The following RIPOR2 variants were observed in gnomAD, a reference collection of about 807,000 sequenced individuals.
The protein encoded by RIPOR2 is rho family-interacting cell polarization regulator 2.
In RIPOR2, 39 loss-of-function variants were observed where a neutral mutation model predicts 114.5. The ratio of observed to expected loss-of-function variants is 0.34; its 90% CI spans 0.26 to 0.44. The LOEUF is 0.44. Among genes scored for constraint, RIPOR2 ranks in the 20% least tolerant of loss-of-function variants. RIPOR2 has a pLI of 1.00. For missense variants in RIPOR2, 1,007 were observed against 1,255.1 expected (o/e 0.80, Z 2.99); for synonymous variants, 445 against 484.4 (o/e 0.92, Z 1.07).
intron 1 of RIPOR2, among the ~76,000 whole-genome samples, chr6:24,987,068 C>G (rs1345865557): frequency 6.6e-6 from 1 of 152,144 alleles, no homozygotes; most frequent in Non-Finnish European, 1.5e-5. Flanking sequence ...GTAGAATCAA[C>G]AGGTCAAAGT....
intron 1 of RIPOR2, among the ~76,000 whole-genome samples, chr6:24,947,650 C>G (rs1194700657): frequency 6.6e-6 from 1 of 151,774 alleles, no homozygotes. Context: ...TAATTAGCAG[C>G]CTTGATCTTC....
At chr6:24,957,189 C>A (rs1773077608) in intron 1 of RIPOR2, among the ~76,000 whole-genome samples, 1 of 148,544 alleles carries the variant, frequency 6.7e-6, no homozygotes, top group South Asian at 2.2e-4. Flanking sequence ...TTTTAAAAAT[C>A]TCTCTTGGGA....
At chr6:25,012,766 G>A (rs561505034) in intron 1 of RIPOR2, among the ~76,000 whole-genome samples, 3 of 152,146 alleles carry the variant, frequency 2.0e-5, no homozygotes, top group East Asian at 1.9e-4. Flanking sequence ...AATGGGGACC[G>A]GGTTTCCTTT....
intron 1 of RIPOR2, among the ~76,000 whole-genome samples, chr6:24,991,836 C>G (rs1774829878): frequency 6.6e-6 from 1 of 152,188 alleles, no homozygotes; most frequent in Admixed American, 6.5e-5. Context: ...GTGAGTTGGT[C>G]CAACCTGCTT....
At position 24,944,066 on chromosome 6, in the gene RIPOR2, T is replaced by C. The variant is rs577916316; in HGVS notation, c.77-68249A>G. Reference sequence around the variant, plus strand: ...AAAAAGCTTGGGAATGAGATGCCCATAGGAGACTTTGAAAAGCTCCCACAT... The same window carrying C: ...AAAAAGCTTGGGAATGAGATGCCCACAGGAGACTTTGAAAAGCTCCCACAT... On this transcript the variant is annotated intron_variant, in intron 1 of 13. Transcript: ENST00000510784. Among the ~76,000 whole-genome samples the C allele has an allele frequency of 2.2e-4, 34 of 152,256 alleles. No homozygotes were observed. In the South Asian group the frequency reaches 6.4e-3, roughly 29 times the overall value.
chr6:24,996,939 A>T (rs922244512), intron 1 of RIPOR2, among the ~76,000 whole-genome samples: 3 of 152,246 alleles, frequency 2.0e-5, no homozygotes, highest in African/African-American at 7.2e-5. Flanking sequence ...TTGGAAATTA[A>T]TGACATTTTA....
intron 12 of RIPOR2, among the ~76,000 whole-genome samples, chr6:24,846,459 C>A (rs1762298751): frequency 6.6e-6 from 1 of 151,986 alleles, no homozygotes. Flanking sequence ...GTGTGTACCA[C>A]CACAACAGGG....
At chr6:24,900,215 T>C (rs1369885435) in intron 1 of RIPOR2, among the ~76,000 whole-genome samples, 4 of 152,142 alleles carry the variant, frequency 2.6e-5, no homozygotes, top group African/African-American at 9.7e-5. Flanking sequence ...AGTCTGTGTA[T>C]TTACATCCAC....
At chr6:24,953,170 C>T (rs1772859649) in intron 1 of RIPOR2, among the ~76,000 whole-genome samples, 1 of 152,082 alleles carries the variant, frequency 6.6e-6, no homozygotes, top group African/African-American at 2.4e-5. Flanking sequence ...CCCGTCTCTA[C>T]TAAAAATACA....
At chr6:24,881,937 G>A (rs1389906117) in intron 1 of RIPOR2, among the ~76,000 whole-genome samples, 3 of 152,224 alleles carry the variant, frequency 2.0e-5, no homozygotes, top group Non-Finnish European at 4.4e-5. Context: ...ATAAAGGGTG[G>A]AATATGATTG....
intron 1 of RIPOR2, among the ~76,000 whole-genome samples, chr6:24,953,678 C>T (rs1362304792): frequency 6.6e-6 from 1 of 152,226 alleles, no homozygotes; most frequent in Non-Finnish European, 1.5e-5. Flanking sequence ...AGTACCTTCC[C>T]TATACCTGGA....
intron 1 of RIPOR2, among the ~76,000 whole-genome samples, chr6:24,945,434 G>A (rs1324330130): frequency 6.6e-6 from 1 of 152,134 alleles, no homozygotes; most frequent in Admixed American, 6.5e-5. Flanking sequence ...AGAGAGCACT[G>A]GTAGAAGTAA....
rs763761502 is a variant in RIPOR2 at position 24,861,031 on chromosome 6, C to A, written c.657G>T (p.Met219Ile). 3.7e-6 allele frequency: 6 copies of A among 1,608,536 alleles called. No homozygotes were observed. The African/African-American group carries it at 8.0e-5, about 21-fold the overall frequency. ...NRSFKEYTEN[M>I]CTIEVELENL... ...TCTCTAGCTCCACTTCAATGGTGCA[C>A]ATATTCTGCAAAGAGGACAGGAGAC... The change falls in exon 8 of 22, where the codon ATG becomes ATT. Residue 219 changes from methionine to isoleucine, a missense_variant. Met to Ile is a conservative substitution (Grantham distance 10). Coordinates refer to ENST00000643898, the MANE Select transcript of RIPOR2 (RefSeq NM_001286445.3).
rs919622171 is a variant in RIPOR2 at position 24,963,723 on chromosome 6, C to T, written c.76+78128G>A. ...TATTTCAGTTTTTAAAAAAGGTGTA[C>T]GTATGTTTGTGCATGCATGTGAATG... On this transcript the variant is annotated intron_variant, in intron 1 of 13. Coordinates refer to the RIPOR2 transcript ENST00000510784. 8.3e-5 allele frequency among the ~76,000 whole-genome samples: 12 copies of T among 143,966 alleles called. No individual in the cohort carries two copies. In the East Asian group the frequency reaches 1.9e-3, roughly 23 times the overall value. The allele number at this position is 143,966 out of a possible 152,430, so 94.4% of individuals were successfully genotyped here.
chr6:25,014,765 G>A (rs939171347), intron 1 of RIPOR2, among the ~76,000 whole-genome samples: 4 of 152,178 alleles, frequency 2.6e-5, no homozygotes, highest in African/African-American at 7.2e-5. Context: ...CTAAATGATC[G>A]AAAGTTGTGT....
chr6:24,887,381 AT>A (rs962806945), intron 1 of RIPOR2, among the ~76,000 whole-genome samples: 1 of 152,064 alleles, frequency 6.6e-6, no homozygotes, highest in African/African-American at 2.4e-5. Context: ...CTAAGCCCTA[AT>A]TTTTTTTATG....
At chr6:24,907,316 G>A (rs564416795) in intron 1 of RIPOR2, among the ~76,000 whole-genome samples, 6 of 152,048 alleles carry the variant, frequency 3.9e-5, no homozygotes, top group Non-Finnish European at 7.4e-5. Context: ...AGTACTCATC[G>A]GTGTCATGTA....
chr6:24,986,420 C>G (rs1453105880), intron 1 of RIPOR2, among the ~76,000 whole-genome samples: 3 of 152,094 alleles, frequency 2.0e-5, no homozygotes, highest in African/African-American at 4.8e-5. Flanking sequence ...GCACTGAAAA[C>G]TTTTTAAAAA....
At chr6:24,959,424 G>C (rs558982835) in intron 1 of RIPOR2, among the ~76,000 whole-genome samples, 2 of 152,324 alleles carry the variant, frequency 1.3e-5, no homozygotes, top group East Asian at 3.9e-4. Context: ...AAAAGGGCTG[G>C]TAATGGAGGA....
Sources: gnomAD v4.1 joint callset for allele counts (sites outside exome capture counted in the v4.1 genomes callset) on GRCh38, gnomAD v4.1.1 for gene constraint, MANE v1.5 for transcripts, NCBI Gene and HGNC (gene_info 2026-07-23, HGNC 2026-07-21) for gene names.